Variants in STK33 observed in about 807,000 individuals in gnomAD.
STK33 encodes serine/threonine kinase 33, also known as serine/threonine-protein kinase 33.
STK33 carries 52 observed loss-of-function variants against 58.0 expected under a neutral mutation model. The ratio of observed to expected loss-of-function variants is 0.90; its 90% CI spans 0.72 to 1.13. The LOEUF is 1.13. Among genes scored for constraint, STK33 ranks in the 50% most tolerant of loss-of-function variants. The pLI is 0.00. For synonymous variants in STK33, 215 were observed against 200.1 expected, an observed-to-expected ratio of 1.07 and a Z score of -0.63; for missense variants, 630 against 604.2, an observed-to-expected ratio of 1.04 and a Z score of -0.45.
chr11:8,391,174 C>T (rs984962526), downstream of STK33, among the ~76,000 whole-genome samples: 1 of 152,166 alleles, frequency 6.6e-6, no homozygotes, highest in African/African-American at 2.4e-5. Context: ...TTACTAAACC[C>T]TGAGAGAAAG....
At chr11:8,424,227 G>C (rs1942379179) in intron 14 of STK33, among the ~76,000 whole-genome samples, 1 of 149,992 alleles carries the variant, frequency 6.7e-6, no homozygotes, top group Admixed American at 6.7e-5. Flanking sequence ...CTATGAGTGA[G>C]AACATGCGGT....
At chr11:8,378,026 G>T in the STK33 span, among the ~76,000 whole-genome samples, 2 of 152,174 alleles carry the variant, frequency 1.3e-5, no homozygotes, top group South Asian at 4.1e-4. Context: ...TGACCATACT[G>T]CCTGTATTAG....
downstream of STK33, among the ~76,000 whole-genome samples, chr11:8,387,680 A>T (rs548451713): frequency 6.6e-6 from 1 of 152,312 alleles, no homozygotes; most frequent in East Asian, 1.9e-4. Context: ...AAAGACTTTG[A>T]TTCTAGTAAC....
chr11:8,341,813 G>T, the STK33 span, among the ~76,000 whole-genome samples: 1 of 152,212 alleles, frequency 6.6e-6, no homozygotes, highest in African/African-American at 2.4e-5. Flanking sequence ...CTGGAAAATG[G>T]AATGATAAAT....
intron 1 of STK33, among the ~76,000 whole-genome samples, chr11:8,509,123 A>C (rs1952107745): frequency 6.6e-6 from 1 of 151,180 alleles, no homozygotes; most frequent in Non-Finnish European, 1.5e-5. Flanking sequence ...TCTCAAAAAA[A>C]AAAAAAAAAA....
At chr11:8,362,246 C>T in the STK33 span, among the ~76,000 whole-genome samples, 2 of 152,176 alleles carry the variant, frequency 1.3e-5, no homozygotes, top group Non-Finnish European at 2.9e-5. Context: ...AAATAGTGTG[C>T]CCATTTCTCT....
At chr11:8,576,885 A>G (rs1463715893) in intron 1 of STK33, among the ~76,000 whole-genome samples, 1 of 152,190 alleles carries the variant, frequency 6.6e-6, no homozygotes, top group Non-Finnish European at 1.5e-5. Context: ...TTCACAAAAG[A>G]CTACTGGATG....
At chr11:8,513,116 C>CT (rs1215836201) in intron 1 of STK33, among the ~76,000 whole-genome samples, 2 of 152,164 alleles carry the variant, frequency 1.3e-5, no homozygotes, top group Non-Finnish European at 2.9e-5. Flanking sequence ...TATACCATCA[C>CT]TTTTTTGCCA....
chr11:8,534,771 C>T (rs190300622), intron 1 of STK33, among the ~76,000 whole-genome samples: 44 of 151,930 alleles, frequency 2.9e-4, no homozygotes, highest in African/African-American at 9.9e-4. Context: ...ATAAGACACA[C>T]CAAAATGAAA....
intron 1 of STK33, among the ~76,000 whole-genome samples, chr11:8,540,610 T>C (rs532871075): frequency 6.6e-6 from 1 of 152,156 alleles, no homozygotes; most frequent in Non-Finnish European, 1.5e-5. Flanking sequence ...ACCTAGCAGA[T>C]ATTATGCTAA....
At chr11:8,519,329 C>T (rs1953148216) in intron 1 of STK33, among the ~76,000 whole-genome samples, 1 of 152,142 alleles carries the variant, frequency 6.6e-6, no homozygotes, top group Admixed American at 6.5e-5. Flanking sequence ...ATCTCTGGGA[C>T]ACATTTAAAG....
intron 6 of STK33, among the ~76,000 whole-genome samples, chr11:8,468,067 A>T (rs1948398594): frequency 6.6e-6 from 1 of 152,188 alleles, no homozygotes; most frequent in Admixed American, 6.5e-5. Flanking sequence ...AGACTGGGCA[A>T]TTTACAAAAT....
intron 2 of STK33, among the ~76,000 whole-genome samples, chr11:8,479,270 T>A (rs1202463217): frequency 6.6e-6 from 1 of 151,780 alleles, no homozygotes; most frequent in Non-Finnish European, 1.5e-5. Flanking sequence ...CCATCTCTAC[T>A]AAAAATACAA....
At chr11:8,568,079 T>A (rs895828912) in intron 1 of STK33, among the ~76,000 whole-genome samples, 2 of 152,146 alleles carry the variant, frequency 1.3e-5, no homozygotes, top group African/African-American at 2.4e-5. Flanking sequence ...GGTCTATAAT[T>A]CCAAGGTACT....
intron 1 of STK33, among the ~76,000 whole-genome samples, chr11:8,529,077 A>C (rs1435283498): frequency 6.6e-6 from 1 of 152,196 alleles, no homozygotes; most frequent in Non-Finnish European, 1.5e-5. Flanking sequence ...TAAACAGCGA[A>C]ACTAGGGTTT....
chr11:8,562,465 C>T (rs185177888), intron 1 of STK33, among the ~76,000 whole-genome samples: 2 of 152,060 alleles, frequency 1.3e-5, no homozygotes, highest in African/African-American at 4.8e-5. Flanking sequence ...ATACTCATGG[C>T]CCCCCACTTT....
At chr11:8,519,542 A>G (rs868863362) in intron 1 of STK33, among the ~76,000 whole-genome samples, 4 of 152,218 alleles carry the variant, frequency 2.6e-5, no homozygotes, top group Non-Finnish European at 4.4e-5. Context: ...AAAAAAATCA[A>G]TGAATCCAGG....
At chr11:8,499,516 T>C (rs1045811513) in intron 1 of STK33, among the ~76,000 whole-genome samples, 2 of 152,168 alleles carry the variant, frequency 1.3e-5, no homozygotes, top group African/African-American at 2.4e-5. Context: ...AGAGTGGCAA[T>C]TCCTCAAGGA....
chr11:8,519,218 G>C (rs1953135724), intron 1 of STK33, among the ~76,000 whole-genome samples: 1 of 152,154 alleles, frequency 6.6e-6, no homozygotes, highest in African/African-American at 2.4e-5. Flanking sequence ...CATGGAAACT[G>C]AACAACCTGC....
Sources: gnomAD v4.1 joint callset for allele counts (sites outside exome capture counted in the v4.1 genomes callset) on GRCh38, gnomAD v4.1.1 for gene constraint, MANE v1.5 for transcripts, NCBI Gene and HGNC (gene_info 2026-07-23, HGNC 2026-07-21) for gene names.